The following CCDC77 variants were observed in gnomAD, a reference collection of about 807,000 sequenced individuals.
The protein encoded by CCDC77 is coiled-coil domain-containing protein 77.
A neutral mutation model predicts 66.8 loss-of-function variants in CCDC77; 56 were observed. The observed-to-expected ratio is 0.84, with a 90% CI of 0.68 to 1.05. CCDC77 has a LOEUF of 1.05. Ranked by LOEUF, CCDC77 falls within the 50% of genes least tolerant of loss-of-function variation. CCDC77 has a pLI of 0.00. For synonymous variants in CCDC77, 196 were observed against 195.2 expected (o/e 1.00, Z -0.03); for missense variants, 570 against 576.8 (o/e 0.99, Z 0.12).
upstream of CCDC77, among the ~76,000 whole-genome samples, chr12:399,572 G>A (rs1944870591): frequency 6.6e-6 from 1 of 152,242 alleles, no homozygotes; most frequent in African/African-American, 2.4e-5. Flanking sequence ...ACATTCATCT[G>A]TTTGCATACC....
chr12:426,064 C>T (rs1945523118), intron 5 of CCDC77, among the ~76,000 whole-genome samples: 1 of 152,160 alleles, frequency 6.6e-6, no homozygotes, highest in Non-Finnish European at 1.5e-5. Flanking sequence ...GGGGTTTCAC[C>T]ATTTTGGACA....
At chr12:433,516 AG>A in intron 9 of CCDC77, 194 bp downstream of exon 9, 1 of 1,339,192 alleles carries the variant, frequency 7.5e-7, no homozygotes, top group Non-Finnish European at 9.7e-7. Context: ...AGAGCTGATG[AG>A]TATTTCACGT....
chr12:440,472 C>T, intron 10 of CCDC77, 145 bp from the exon 11 acceptor site: 1 of 850,252 alleles, frequency 1.2e-6, no homozygotes, highest in South Asian at 1.8e-5. Flanking sequence ...TCAGATGTTC[C>T]TCAAAGTTCC....
At chr12:407,032 C>T (rs1479941867) in intron 2 of CCDC77, among the ~76,000 whole-genome samples, 2 of 152,162 alleles carry the variant, frequency 1.3e-5, no homozygotes, top group African/African-American at 2.4e-5. Flanking sequence ...GGAAGCCAAG[C>T]GCAGTGACTC....
chr12:415,597 T>TA (rs1340124844), intron 4 of CCDC77, among the ~76,000 whole-genome samples: 1 of 151,244 alleles, frequency 6.6e-6, no homozygotes, highest in South Asian at 2.1e-4. Context: ...TAAATATTTT[T>TA]ATCACATTAT....
intron 1 of CCDC77, among the ~76,000 whole-genome samples, chr12:390,734 T>TG: frequency 1.5e-5 from 1 of 64,644 alleles, no homozygotes; most frequent in Non-Finnish European, 2.7e-5. Flanking sequence ...AATATCTTTA[T>TG]AAACACACAC....
At chr12:414,165 C>T in intron 4 of CCDC77, among the ~76,000 whole-genome samples, 1 of 151,064 alleles carries the variant, frequency 6.6e-6, no homozygotes, top group African/African-American at 2.5e-5. Context: ...AATCTCGGCT[C>T]ACTGCAACCC....
At position 409,424 on chromosome 12, in the gene CCDC77, A is replaced by G. The variant is rs746275717; in HGVS notation, c.38+3A>G. 5.6e-6 allele frequency: 9 copies of G among 1,612,936 alleles called. No homozygotes were observed. Among genetic ancestry groups the G allele is most frequent in the Non-Finnish European group, 7.6e-6 (9 of 1,179,434 alleles). ...ACACACACCCCTGTCTGCAGAAAGT[A>G]AGACATTTGCTTATTTTCAAGTTGT... On this transcript the variant is annotated splice_donor_region_variant and intron_variant, in intron 3 of 12. Transcript: ENST00000239830.
intron 4 of CCDC77, among the ~76,000 whole-genome samples, chr12:416,334 GGTGTGTGGGGGTGTGTGTGTGTGT>G (rs1278948244): frequency 0.018 from 926 of 50,408 alleles, 118 homozygotes; most frequent in Middle Eastern, 0.1. Flanking sequence ...TGAGTCTGTG[GGTGTGTGGGGGTGTGTGTGTGTGT>G]GTGTGTGTGT....
intron 5 of CCDC77, among the ~76,000 whole-genome samples, chr12:427,112 GCA>G (rs1293533063): frequency 1.3e-5 from 2 of 152,088 alleles, no homozygotes; most frequent in Non-Finnish European, 2.9e-5. Flanking sequence ...GGGCATTGTG[GCA>G]TGCGCCTGTA....
chr12:427,590 T>A (rs1945559834), intron 5 of CCDC77, among the ~76,000 whole-genome samples: 1 of 151,674 alleles, frequency 6.6e-6, no homozygotes, highest in Non-Finnish European at 1.5e-5. Flanking sequence ...TTCTTGTGCT[T>A]CAGCCTCCTG....
At chr12:436,115 C>CTTTTTTTT (rs1181059309) in intron 9 of CCDC77, among the ~76,000 whole-genome samples, 12 of 106,136 alleles carry the variant, frequency 1.1e-4, no homozygotes, top group South Asian at 3.4e-4. Flanking sequence ...GATCCTTTGT[C>CTTTTTTTT]TTTTTTTTTT....
chr12:417,628 G>A (rs1449926057), intron 4 of CCDC77, among the ~76,000 whole-genome samples: 1 of 152,142 alleles, frequency 6.6e-6, no homozygotes, highest in Non-Finnish European at 1.5e-5. Flanking sequence ...AAAAAAGTGT[G>A]GATAGGCTAG....
At chr12:438,788 G>T (rs932396509) in intron 10 of CCDC77, among the ~76,000 whole-genome samples, 5 of 152,038 alleles carry the variant, frequency 3.3e-5, no homozygotes, top group Admixed American at 6.6e-5. Context: ...TGTACTCCTG[G>T]CCGGGCACAG....
chr12:434,571 A>G (rs1391991989), intron 9 of CCDC77, among the ~76,000 whole-genome samples: 1 of 152,014 alleles, frequency 6.6e-6, no homozygotes, highest in Non-Finnish European at 1.5e-5. Flanking sequence ...AGGCTGATCT[A>G]GAACTCCCAA....
intron 9 of CCDC77, among the ~76,000 whole-genome samples, chr12:436,387 G>C (rs549278147): frequency 2.0e-5 from 3 of 151,878 alleles, no homozygotes; most frequent in Non-Finnish European, 4.4e-5. Context: ...GCCTCCCAAA[G>C]TGCTGGGATT....
In CCDC77 at chr12:411,990, A is replaced by C; in HGVS notation, c.270+12A>C. On this transcript the variant is annotated intron_variant, in intron 4 of 12. Coordinates refer to ENST00000239830, the MANE Select transcript of CCDC77 (RefSeq NM_032358.4). ...CTTGTGAAGGACAGGTAAAGAAACG[A>C]TGCTGCTGCTTTAGAACTCTGATGG... The C allele has an allele frequency of 6.3e-7, 1 of 1,588,774 alleles. No homozygotes were observed. Among genetic ancestry groups the C allele is most frequent in the South Asian group, 1.1e-5 (1 of 90,186 alleles).
At chr12:433,572 T>G in intron 9 of CCDC77, 5 of 879,452 alleles carry the variant, frequency 5.7e-6, no homozygotes, top group Non-Finnish European at 7.4e-6. Context: ...TTCTGGTGGC[T>G]AAGAAGTGTT....
Position 411,998 on chromosome 12 carries a change from G to GTTT in CCDC77, c.270+20_270+21insTTT. On this transcript the variant is annotated intron_variant, in intron 4 of 12. Transcript: ENST00000239830. ...GGACAGGTAAAGAAACGATGCTGCT[G>GTTT]CTTTAGAACTCTGATGGAGTCTTCA... The GTTT allele has an allele frequency of 6.4e-7, 1 of 1,556,630 alleles. No individual in the cohort carries two copies. The highest frequency in any genetic ancestry group is 1.1e-5 in the South Asian group (1 of 89,286).
Sources: allele counts gnomAD v4.1 joint callset (sites outside exome capture counted in the v4.1 genomes callset), GRCh38; gene constraint gnomAD v4.1.1; transcripts MANE v1.5; gene names NCBI Gene and HGNC (gene_info 2026-07-23, HGNC 2026-07-21).